The following LRRC4C variants were observed in gnomAD, a reference collection of about 807,000 sequenced individuals.
The protein encoded by LRRC4C is leucine rich repeat containing 4C, also known as leucine-rich repeat-containing protein 4C.
In LRRC4C, 5 loss-of-function variants were observed where a neutral mutation model predicts 33.6. The observed-to-expected ratio is 0.15, with a 90% CI of 0.08 to 0.31. The LOEUF is 0.31. LRRC4C is among the 10% of genes least tolerant of loss of function. The pLI, the probability that LRRC4C is intolerant of heterozygous loss-of-function variation, is 1.00. For synonymous variants in LRRC4C, 329 were observed against 302.0 expected (o/e 1.09, Z -0.93); for missense variants, 560 against 796.7 (o/e 0.70, Z 3.58).
intron 3 of LRRC4C, among the ~76,000 whole-genome samples, chr11:40,373,478 A>G (rs1948539624): frequency 6.6e-6 from 1 of 152,218 alleles, no homozygotes. Flanking sequence ...ATAAATTAAA[A>G]AACTCAATAG....
chr11:40,814,787 A>ATGTTTTGCT (rs1181068149), intron 2 of LRRC4C, among the ~76,000 whole-genome samples: 1 of 152,032 alleles, frequency 6.6e-6, no homozygotes, highest in Non-Finnish European at 1.5e-5. Flanking sequence ...TCTCTTTGCT[A>ATGTTTTGCT]AAACATAGCA....
Position 41,034,330 on chromosome 11 carries a change from T to C in LRRC4C, c.-495-100607A>G, listed in dbSNP as rs1417808067. ...GATAGTGATACGCGTGCTCTTGGAC[T>C]TTCTAGCCTCCAAAACTGTACAAAA... On this transcript the variant is annotated intron_variant, in intron 1 of 6. Transcript: ENST00000528697. Among the ~76,000 whole-genome samples, 4 of 151,556 alleles carry C rather than the reference T, an allele frequency of 2.6e-5. No individual in the cohort carries two copies. In the East Asian group the frequency reaches 7.9e-4, roughly 30 times the overall value.
chr11:40,577,088 A>G (rs1302638325), intron 3 of LRRC4C, among the ~76,000 whole-genome samples: 1 of 152,210 alleles, frequency 6.6e-6, no homozygotes, highest in Non-Finnish European at 1.5e-5. Flanking sequence ...ATTACAGAAT[A>G]TCAGAGATAG....
intron 3 of LRRC4C, among the ~76,000 whole-genome samples, chr11:40,359,799 G>A (rs373599495): frequency 6.9e-4 from 105 of 152,130 alleles, no homozygotes; most frequent in South Asian, 5.4e-3. Flanking sequence ...ATTTTATGCC[G>A]TCTAAAAATT....
intron 3 of LRRC4C, among the ~76,000 whole-genome samples, chr11:40,493,554 T>TA (rs61707692): frequency 3.8e-4 from 57 of 149,796 alleles, no homozygotes; most frequent in East Asian, 5.9e-4. Context: ...TGAGTAAAGG[T>TA]AAAAAAAAAA....
intron 1 of LRRC4C, among the ~76,000 whole-genome samples, chr11:41,224,564 A>AAT (rs1947446708): frequency 6.6e-6 from 1 of 152,142 alleles, no homozygotes; most frequent in Non-Finnish European, 1.5e-5. Flanking sequence ...TCCCCTTCTT[A>AAT]ATAGGTTTAG....
chr11:41,457,905 G>A (rs1252844524), intron 1 of LRRC4C, among the ~76,000 whole-genome samples: 1 of 152,060 alleles, frequency 6.6e-6, no homozygotes, highest in Non-Finnish European at 1.5e-5. Flanking sequence ...GAAAGGCTAG[G>A]ATAGCCTAGG....
chr11:40,673,832 C>G (rs573370237), intron 2 of LRRC4C, among the ~76,000 whole-genome samples: 2 of 152,140 alleles, frequency 1.3e-5, no homozygotes. Flanking sequence ...CACTGATCCA[C>G]GTTATGTATG....
chr11:40,450,282 C>A (rs1165041166), intron 3 of LRRC4C, among the ~76,000 whole-genome samples: 1 of 152,020 alleles, frequency 6.6e-6, no homozygotes, highest in Admixed American at 6.6e-5. Context: ...GACTTCTAGG[C>A]AACATATTTT....
At chr11:40,971,613 C>T (rs1851733982) in intron 1 of LRRC4C, among the ~76,000 whole-genome samples, 1 of 152,124 alleles carries the variant, frequency 6.6e-6, no homozygotes, top group Admixed American at 6.6e-5. Flanking sequence ...ACACAGAGTT[C>T]CCACTGGGGT....
chr11:41,406,852 A>G (rs1409653873), intron 1 of LRRC4C, among the ~76,000 whole-genome samples: 1 of 152,150 alleles, frequency 6.6e-6, no homozygotes. Flanking sequence ...TAAAAATTAA[A>G]GCTGGCAAAT....
At chr11:41,401,149 A>G (rs562968623) in intron 1 of LRRC4C, among the ~76,000 whole-genome samples, 1 of 152,066 alleles carries the variant, frequency 6.6e-6, no homozygotes, top group South Asian at 2.1e-4. Context: ...ACAGCAGAAG[A>G]GGAAATTTTG....
At chr11:40,262,143 A>C (rs924457467) in intron 4 of LRRC4C, among the ~76,000 whole-genome samples, 1 of 152,234 alleles carries the variant, frequency 6.6e-6, no homozygotes, top group Non-Finnish European at 1.5e-5. Context: ...AGAGAAAAAC[A>C]AACAACCACA....
At position 40,188,192 on chromosome 11, in the gene LRRC4C, C is replaced by T. The variant is rs138141063; in HGVS notation, c.-95-47339G>A. Among the ~76,000 whole-genome samples the T allele has an allele frequency of 2.4e-3, 368 of 152,266 alleles. 6 individuals are homozygous for T. The highest frequency in any genetic ancestry group is 0.019 in the Admixed American group (298 of 15,302). On this transcript the variant is annotated intron_variant, in intron 5 of 6. Coordinates refer to ENST00000528697, the MANE Select transcript of LRRC4C (RefSeq NM_001258419.2). ...AAATGATATTGTTTCTTCAACTGAACCTTGAATTATTTTTCTAAATGCAAA... is the reference window on the plus strand; with the variant it reads ...AAATGATATTGTTTCTTCAACTGAATCTTGAATTATTTTTCTAAATGCAAA...
At chr11:41,035,890 C>T (rs371625691) in intron 1 of LRRC4C, among the ~76,000 whole-genome samples, 28 of 151,992 alleles carry the variant, frequency 1.8e-4, no homozygotes, top group African/African-American at 6.8e-4. Context: ...GGCAGAAAGA[C>T]AAAATATTTA....
intron 1 of LRRC4C, among the ~76,000 whole-genome samples, chr11:41,098,293 C>T (rs774758910): frequency 6.6e-6 from 1 of 152,170 alleles, no homozygotes; most frequent in Non-Finnish European, 1.5e-5. Flanking sequence ...CTTGTAATAT[C>T]TCTGACTGTT....
chr11:40,602,132 T>C (rs1414757638), intron 3 of LRRC4C, among the ~76,000 whole-genome samples: 5 of 150,206 alleles, frequency 3.3e-5, no homozygotes, highest in African/African-American at 9.8e-5. Flanking sequence ...GAGGCAGAGA[T>C]TGCAGTGAGC....
chr11:40,198,992 G>A (rs922876623), intron 5 of LRRC4C, among the ~76,000 whole-genome samples: 1 of 152,210 alleles, frequency 6.6e-6, no homozygotes, highest in East Asian at 1.9e-4. Context: ...TCCGAGGCAG[G>A]AGCACGCCTG....
intron 3 of LRRC4C, among the ~76,000 whole-genome samples, chr11:40,537,310 A>C (rs1251436774): frequency 6.6e-6 from 1 of 152,188 alleles, no homozygotes; most frequent in South Asian, 2.1e-4. Context: ...AATCCTCACA[A>C]TAACCACATG....
Sources: gnomAD v4.1 joint callset for allele counts (sites outside exome capture counted in the v4.1 genomes callset) on GRCh38, gnomAD v4.1.1 for gene constraint, MANE v1.5 for transcripts, NCBI Gene and HGNC (gene_info 2026-07-23, HGNC 2026-07-21) for gene names.